BPIFB1: variants seen among roughly 807,000 people sequenced by gnomAD.
BPIFB1 encodes BPI fold-containing family B member 1.
In BPIFB1, 34 loss-of-function variants were observed where a neutral mutation model predicts 55.1. The ratio of observed to expected loss-of-function variants is 0.62; its 90% CI spans 0.47 to 0.82. BPIFB1 has a LOEUF of 0.82. BPIFB1 is among the 40% of genes least tolerant of loss of function. The pLI, the probability that BPIFB1 is intolerant of heterozygous loss-of-function variation, is 0.00. For missense variants in BPIFB1, 532 were observed against 593.1 expected, an observed-to-expected ratio of 0.90 and a Z score of 1.07; for synonymous variants, 236 against 245.3, an observed-to-expected ratio of 0.96 and a Z score of 0.35.
intron 14 of BPIFB1, chr20:33,306,563 C>T (rs1466403773): frequency 2.1e-5 from 7 of 339,004 alleles, no homozygotes; most frequent in Non-Finnish European, 2.2e-5. Flanking sequence ...GGGTTTGTAA[C>T]CTATACAGTT....
At position 33,302,243 on chromosome 20, in the gene BPIFB1, C is replaced by T. The variant is rs76990619; in HGVS notation, c.928-116C>T. ...AATGACAGACACATGGCTTGGGTCA[C>T]TGGGCCCACCCAGCTTTTCTGGGGT... On this transcript the variant is annotated intron_variant, in intron 9 of 15. Coordinates refer to ENST00000253354, the MANE Select transcript of BPIFB1 (RefSeq NM_033197.3). 4.8e-3 allele frequency: 5,083 copies of T among 1,055,966 alleles called. 181 individuals are homozygous for T. The African/African-American group carries it at 0.071, about 15-fold the overall frequency. The allele number at this position is 1,055,966 out of a possible 1,614,324, so 65.4% of individuals were successfully genotyped here.
At position 33,309,606 on chromosome 20, in the gene BPIFB1, C is replaced by A. The variant is rs1981163012; in HGVS notation, c.1396-102C>A. On this transcript the variant is annotated intron_variant, in intron 15 of 15. Transcript: ENST00000253354. This position sits in a 1 kb window ranked among gnomAD's most constrained non-coding sequence, Gnocchi z 4.4. ...GTATTTGTGGGTTCAGGGTCATGGTCCCCCGGTGCCAGCAGTCACCTTATG... is the reference window on the plus strand; with the variant it reads ...GTATTTGTGGGTTCAGGGTCATGGTACCCCGGTGCCAGCAGTCACCTTATG... 1.2e-5 allele frequency: 13 copies of A among 1,101,988 alleles called. No individual in the cohort carries two copies. The Admixed American group carries it at 1.6e-4, about 14-fold the overall frequency. The allele number at this position is 1,101,988 out of a possible 1,614,324, so 68.3% of individuals were successfully genotyped here.
At chr20:33,284,868 C>CCTTTCTCTCTCTCT (rs879496618) in intron 1 of BPIFB1, among the ~76,000 whole-genome samples, 1 of 151,266 alleles carries the variant, frequency 6.6e-6, no homozygotes, top group Non-Finnish European at 1.5e-5. Flanking sequence ...GCCACAGGGC[C>CCTTTCTCTCTCTCT]CTTTCTCTCT....
At chr20:33,286,971 A>G (rs1425353388) in intron 2 of BPIFB1, among the ~76,000 whole-genome samples, 1 of 152,208 alleles carries the variant, frequency 6.6e-6, no homozygotes, top group Non-Finnish European at 1.5e-5. Flanking sequence ...CACTTAGAGG[A>G]CCAGACCTCT....
chr20:33,304,048 A>G (rs1980939496), intron 12 of BPIFB1, 23 bp downstream of exon 12: 1 of 1,601,486 alleles, frequency 6.2e-7, no homozygotes, highest in African/African-American at 1.3e-5. Context: ...ATCATCATGA[A>G]GATTCTGCTG....
chr20:33,295,684 GA>G (rs371404774), intron 6 of BPIFB1, among the ~76,000 whole-genome samples: 6 of 141,064 alleles, frequency 4.3e-5, no homozygotes, highest in African/African-American at 8.6e-5. Flanking sequence ...AAGAAAGAGA[GA>G]AAAAAAGGGA....
At chr20:33,283,748 C>T (rs993562354) in intron 1 of BPIFB1, among the ~76,000 whole-genome samples, 2 of 151,982 alleles carry the variant, frequency 1.3e-5, no homozygotes, top group African/African-American at 2.4e-5. Flanking sequence ...AGATATTCCA[C>T]GAAGGGGAAC....
intron 2 of BPIFB1, 80 bp downstream of exon 2, chr20:33,286,268 C>A: frequency 1.6e-6 from 2 of 1,258,658 alleles, no homozygotes; most frequent in Non-Finnish European, 2.3e-6. Flanking sequence ...GGAGAGAGTT[C>A]CTCATCACGG....
chr20:33,284,956 G>T (rs1183611999), intron 1 of BPIFB1, among the ~76,000 whole-genome samples: 1 of 152,028 alleles, frequency 6.6e-6, no homozygotes, highest in African/African-American at 2.4e-5. Context: ...AGCCCCCTTA[G>T]TATTGCAGAT....
At chr20:33,288,172 C>T (rs1980333461) in intron 2 of BPIFB1, among the ~76,000 whole-genome samples, 1 of 152,202 alleles carries the variant, frequency 6.6e-6, no homozygotes, top group Non-Finnish European at 1.5e-5. Flanking sequence ...TTCTGACCTG[C>T]TCTGCACATG....
intron 6 of BPIFB1, among the ~76,000 whole-genome samples, chr20:33,292,562 T>A (rs1980508664): frequency 6.6e-6 from 1 of 152,248 alleles, no homozygotes; most frequent in African/African-American, 2.4e-5. Context: ...TGTCTGGGCT[T>A]AGCACCCAGC....
rs1981167909 is a variant in BPIFB1 at position 33,309,713 on chromosome 20, C to T, written c.1401C>T (p.Ala467=). The T allele has an allele frequency of 1.2e-6, 2 of 1,614,076 alleles. No homozygotes were observed. Among genetic ancestry groups the T allele is most frequent in the African/African-American group, 1.3e-5 (1 of 75,024 alleles). Residue 467 remains alanine, a synonymous_variant, in exon 16 of 16, where the codon GCC becomes GCT. Coordinates refer to ENST00000253354, the MANE Select transcript of BPIFB1 (RefSeq NM_033197.3). The surrounding 1 kb of genome is among the most constrained non-coding windows in gnomAD (Gnocchi z 4.4). ...EAAESSLTKD[A]LVLTPASLWK... ...CTTTTCCCCTCCAATTCCAGGATGC[C>T]CTTGTGCTTACTCCAGCCTCCTTGT...
Position 33,299,924 on chromosome 20 carries a change from T to A in BPIFB1, c.687T>A (p.Arg229=). Residue 229 remains arginine, a synonymous_variant, in exon 8 of 16, where the codon CGT becomes CGA. Transcript: ENST00000253354. ...VKVPISLSID[R]LEFDLLYPAI... ...TGCCCATTTCCCTCAGCATTGACCG[T>A]CTGGAGTTTGACCTTCTGTATCCTG... The A allele has an allele frequency of 1.2e-6, 2 of 1,614,106 alleles. No individual in the cohort carries two copies. The highest frequency in any genetic ancestry group is 8.5e-7 in the Non-Finnish European group (1 of 1,180,006).
rs541210312 is a variant in BPIFB1, at chr20:33,297,305, C to A, written c.598-220C>A. ...GAGGGCTGCTGGCAGGCCAAGCACACCCTGGGCACAGGGAAAGGGACAAAC... is the reference window on the plus strand; with the variant it reads ...GAGGGCTGCTGGCAGGCCAAGCACAACCTGGGCACAGGGAAAGGGACAAAC... On this transcript the variant is annotated intron_variant, in intron 6 of 15. Transcript: ENST00000253354. Among the ~76,000 whole-genome samples the A allele has an allele frequency of 3.3e-5, 5 of 152,362 alleles. No individual in the cohort carries two copies. In the South Asian group the frequency reaches 1.0e-3, roughly 32 times the overall value.
rs571332816 is a variant in BPIFB1, at chr20:33,303,018, G to C, written c.1084G>C (p.Val362Leu). ...CCATGCCAAGGTGGCCCAACTGATCGTGCTGGAAGTGTTTCCCTCCAGTGA... is the reference window on the plus strand; with the variant it reads ...CCATGCCAAGGTGGCCCAACTGATCCTGCTGGAAGTGTTTCCCTCCAGTGA... ...QGHAKVAQLI[V>L]LEVFPSSEAL... Residue 362 changes from valine to leucine, a missense_variant, in exon 11 of 16, where the codon GTG becomes CTG. Physicochemically the swap from Val to Leu is conservative, Grantham distance 32. Transcript: ENST00000253354. 2 of 1,614,174 alleles carry C rather than the reference G, an allele frequency of 1.2e-6. No homozygotes were observed. The highest frequency in any genetic ancestry group is 4.5e-5 in the East Asian group (2 of 44,884).
chr20:33,286,166 C>T lies in BPIFB1; in HGVS notation c.93C>T (p.Leu31=), dbSNP rs766101557. The T allele has an allele frequency of 9.3e-6, 15 of 1,614,088 alleles. No homozygotes were observed. The highest frequency in any genetic ancestry group is 4.5e-5 in the East Asian group (2 of 44,896). Residue 31 remains leucine (L), a synonymous_variant, in exon 2 of 16, where the codon CTC becomes CTT. Transcript: ENST00000253354. ...TCAGTCCCACTGCAGTTCTCATCCT[C>T]GGCCCAAAAGTCATCAAAGAAAGTA... is the stretch of plus-strand genomic sequence containing the variant. ...ATLSPTAVLI[L]GPKVIKEKLT... is the part of the protein sequence containing the mutation.
chr20:33,302,042 G>A (rs572610412), intron 9 of BPIFB1, among the ~76,000 whole-genome samples: 3 of 152,248 alleles, frequency 2.0e-5, no homozygotes, highest in Non-Finnish European at 2.9e-5. Context: ...GAGAAAATAG[G>A]GAGTGGTCAC....
In BPIFB1 at chr20:33,302,922, G is replaced by T; in HGVS notation, c.988G>T (p.Asp330Tyr). 7.4e-6 allele frequency: 12 copies of T among 1,614,064 alleles called. No individual in the cohort carries two copies. Among genetic ancestry groups the T allele is most frequent in the Non-Finnish European group, 1.0e-5 (12 of 1,179,954 alleles). Residue 330 changes from aspartate to tyrosine, a missense_variant, in exon 11 of 16, where the codon GAT (aspartate) becomes TAT (tyrosine). By Grantham distance (160) the Asp-to-Tyr change is radical. Coordinates refer to ENST00000253354, the MANE Select transcript of BPIFB1 (RefSeq NM_033197.3). The stretch of plus-strand genomic sequence containing the variant: ...GGGTCTGATCTCCTTCCAGGCTGCA[G>T]ATAAGCTGGGATCTACCCAGATCGT... The part of the protein sequence containing the change: ...SIGLINEKAA[D>Y]KLGSTQIVKI...
At chr20:33,306,787 G>A in intron 14 of BPIFB1, 124 bp from the exon 15 acceptor site, 1 of 783,852 alleles carries the variant, frequency 1.3e-6, no homozygotes, top group Non-Finnish European at 2.3e-6. Flanking sequence ...GGCGAGCAGA[G>A]GCAGAGGGGG....
Sources: allele counts gnomAD v4.1 joint callset (sites outside exome capture counted in the v4.1 genomes callset), GRCh38; gene constraint gnomAD v4.1.1; non-coding constraint Gnocchi (gnomAD v3.1); transcripts MANE v1.5; gene names NCBI Gene and HGNC (gene_info 2026-07-23, HGNC 2026-07-21).